MPZL3: variants seen among roughly 807,000 people sequenced by gnomAD.
MPZL3 encodes myelin protein zero-like protein 3.
MPZL3 carries 23 observed loss-of-function variants against 24.8 expected under a neutral mutation model. The ratio of observed to expected loss-of-function variants is 0.93; its 90% confidence interval spans 0.67 to 1.31. MPZL3 has a LOEUF of 1.31. Among genes scored for constraint, MPZL3 ranks in the 40% most tolerant of loss-of-function variants. The probability of loss-of-function intolerance (pLI) is 0.00; values close to 1 mark genes in which losing one functional copy is unlikely to be tolerated. For synonymous variants in MPZL3, 99 were observed against 106.5 expected (o/e 0.93, Z 0.44); for missense variants, 277 against 294.9 (o/e 0.94, Z 0.44).
At chr11:118,235,390 C>G (rs1006990854) in intron 4 of MPZL3, 34 bp downstream of exon 4, 2 of 1,609,248 alleles carry the variant, frequency 1.2e-6, no homozygotes, top group African/African-American at 1.3e-5. Context: ...AAGGAGGAAA[C>G]AGGCTTGCTG....
In MPZL3 at chr11:118,233,361, G is replaced by A. The variant is rs193007145; in HGVS notation, c.681+99C>T. On this transcript the variant is annotated intron_variant, in intron 5 of 5. Coordinates refer to ENST00000278949, the MANE Select transcript of MPZL3 (RefSeq NM_198275.3). ...GTTCATATCTTGCTTGGACCTACCTGCATATCCTCTGCTGCCTCTGAGGGC... is the reference window on the plus strand; with the variant it reads ...GTTCATATCTTGCTTGGACCTACCTACATATCCTCTGCTGCCTCTGAGGGC... 1,299 of 1,337,382 alleles carry A rather than the reference G, an allele frequency of 9.7e-4. 2 individuals are homozygous for A. Among genetic ancestry groups the A allele is most frequent in the Non-Finnish European group, 1.1e-3 (1,044 of 933,486 alleles). The allele number at this position is 1,337,382 out of a possible 1,614,324, so 82.8% of individuals were successfully genotyped here. A position where few individuals can be genotyped will look rare whatever the true frequency, so the allele number is the denominator to read the frequency against.
chr11:118,239,445 A>C (rs931331493), intron 2 of MPZL3, among the ~76,000 whole-genome samples: 1 of 152,242 alleles, frequency 6.6e-6, no homozygotes, highest in African/African-American at 2.4e-5. Flanking sequence ...ACTTTAAAAA[A>C]TACAATCTTC....
chr11:118,239,379 G>A (rs1319359827), intron 2 of MPZL3, among the ~76,000 whole-genome samples: 1 of 152,126 alleles, frequency 6.6e-6, no homozygotes, highest in Non-Finnish European at 1.5e-5. Context: ...ATTTATACAT[G>A]AAAGTCAAAG....
intron 5 of MPZL3, 130 bp from the exon 6 acceptor site, chr11:118,230,050 A>G (rs1949331055): frequency 1.4e-6 from 1 of 707,212 alleles, no homozygotes; most frequent in Non-Finnish European, 2.4e-6. Flanking sequence ...CACTGACTCA[A>G]TACACCTAAA....
Position 118,229,896 on chromosome 11 carries a change from A to G in MPZL3, c.706T>C (p.Ter236ArgextTer1). 1 of 1,613,524 alleles carries G rather than the reference A, an allele frequency of 6.2e-7. No homozygotes were observed. The highest frequency in any genetic ancestry group is 1.3e-5 in the African/African-American group (1 of 75,010). ...CLDSDYEETY[*>R] Reference sequence around the variant, plus strand: ...TTCTTGTGTCATACAGACTTTCATCAATATGTCTCTTCATAGTCTGAATCC... The same window carrying G: ...TTCTTGTGTCATACAGACTTTCATCGATATGTCTCTTCATAGTCTGAATCC... The change falls in exon 6 of 6, where the codon TGA becomes CGA. Residue 236 changes from the stop codon to arginine (R), a stop_lost. Coordinates refer to ENST00000278949, the MANE Select transcript of MPZL3 (RefSeq NM_198275.3).
At chr11:118,241,415 C>T (rs759426646) in intron 1 of MPZL3, among the ~76,000 whole-genome samples, 7 of 152,202 alleles carry the variant, frequency 4.6e-5, no homozygotes, top group Non-Finnish European at 1.0e-4. Context: ...ACGGCTCCTA[C>T]ACCAGAGGGT....
At chr11:118,250,620 G>A (rs887187816) in intron 1 of MPZL3, among the ~76,000 whole-genome samples, 3 of 151,890 alleles carry the variant, frequency 2.0e-5, no homozygotes, top group East Asian at 1.9e-4. Context: ...CTCTCTTGTC[G>A]CCCAGGCTAG....
chr11:118,242,678 C>A (rs918672625), intron 1 of MPZL3, among the ~76,000 whole-genome samples: 1 of 152,232 alleles, frequency 6.6e-6, no homozygotes, highest in Non-Finnish European at 1.5e-5. Context: ...CCCCACCACA[C>A]CATATCCCAA....
At chr11:118,241,491 C>T (rs933785264) in intron 1 of MPZL3, among the ~76,000 whole-genome samples, 1 of 152,182 alleles carries the variant, frequency 6.6e-6, no homozygotes, top group Admixed American at 6.5e-5. Context: ...CGTACTTCTT[C>T]AGTCTTCTCA....
rs1949281526 is a variant in MPZL3, at chr11:118,227,194, A to T, written c.*2700T>A. Reference sequence around the variant, plus strand: ...ATAGAATTAAGAGCGTAATGCATAAAACTTAAAGTCATGTAACCACATGTA... The same window carrying T: ...ATAGAATTAAGAGCGTAATGCATAATACTTAAAGTCATGTAACCACATGTA... On this transcript the variant is annotated 3_prime_UTR_variant, in exon 6 of 6. Transcript: ENST00000278949. 1 of 152,230 alleles carries T rather than the reference A, an allele frequency of 6.6e-6. No individual in the cohort carries two copies. 9.4% of individuals were successfully genotyped at this position (152,230 alleles called of 1,614,324 possible).
chr11:118,236,889 C>G (rs1949432155), intron 3 of MPZL3, among the ~76,000 whole-genome samples, 161 bp downstream of exon 3: 1 of 152,090 alleles, frequency 6.6e-6, no homozygotes, highest in Non-Finnish European at 1.5e-5. Context: ...AAATTCACCC[C>G]AACATACATA....
In MPZL3 at chr11:118,251,596, C is replaced by A. The variant is rs530922838; in HGVS notation, c.73+626G>T. Among the ~76,000 whole-genome samples, 15 of 151,976 alleles carry A rather than the reference C, an allele frequency of 9.9e-5. No individual in the cohort carries two copies. In the East Asian group the frequency reaches 2.9e-3, roughly 29 times the overall value. On this transcript the variant is annotated intron_variant, in intron 1 of 5. Coordinates refer to ENST00000278949, the MANE Select transcript of MPZL3 (RefSeq NM_198275.3). ...AAGATGTGAATGTCAGTGTGAATAC[C>A]CTACTTCTGATATTACTTAATAAAT...
Position 118,229,893 on chromosome 11 carries a change from A to T in MPZL3, c.*1T>A, listed in dbSNP as rs777827555. On this transcript the variant is annotated 3_prime_UTR_variant, in exon 6 of 6. Coordinates refer to ENST00000278949, the MANE Select transcript of MPZL3 (RefSeq NM_198275.3). ...CTCTTCTTGTGTCATACAGACTTTC[A>T]TCAATATGTCTCTTCATAGTCTGAA... is the stretch of plus-strand genomic sequence containing the variant. The T allele has an allele frequency of 6.2e-7, 1 of 1,613,522 alleles. No individual in the cohort carries two copies. The highest frequency in any genetic ancestry group is 8.5e-7 in the Non-Finnish European group (1 of 1,179,710).
rs1468265805 is a variant in MPZL3 at position 118,233,451 on chromosome 11, T to C, written c.681+9A>G. Reference sequence around the variant, plus strand: ...TCAACAGTAAGCAGAAGGAATGGCATGCACTTACCAGGCACTCAGCGCAAC... The same window carrying C: ...TCAACAGTAAGCAGAAGGAATGGCACGCACTTACCAGGCACTCAGCGCAAC... On this transcript the variant is annotated intron_variant, in intron 5 of 5. Coordinates refer to ENST00000278949, the MANE Select transcript of MPZL3 (RefSeq NM_198275.3). The C allele has an allele frequency of 3.7e-6, 6 of 1,613,694 alleles. No homozygotes were observed. The African/African-American group carries it at 6.7e-5, about 18-fold the overall frequency.
Position 118,237,802 on chromosome 11 carries a change from AC to A in MPZL3, c.241-543del, listed in dbSNP as rs1385453862. Among the ~76,000 whole-genome samples, 3 of 152,220 alleles carry A rather than the reference AC, an allele frequency of 2.0e-5. No homozygotes were observed. In the East Asian group the frequency reaches 5.8e-4, roughly 29 times the overall value. On this transcript the variant is annotated intron_variant, in intron 2 of 5. Transcript: ENST00000278949. ...TTACTCACTTGAGCCTCATGACTAC[AC>A]TGAACTACATGAGGCAGGTATAATT...
chr11:118,252,260 CA>C lies in MPZL3; in HGVS notation c.34del (p.Cys12AlafsTer39), dbSNP rs1171990719. The C allele has an allele frequency of 6.2e-7, 1 of 1,613,878 alleles. No homozygotes were observed. Among genetic ancestry groups the C allele is most frequent in the Admixed American group, 1.7e-5 (1 of 60,000 alleles). On this transcript the variant is annotated frameshift_variant, in exon 1 of 6. Coordinates refer to ENST00000278949, the MANE Select transcript of MPZL3 (RefSeq NM_198275.3). LOFTEE classifies it high-confidence loss of function. ...GACGCCCAGCAGAGGGAAGAGAGCG[CA>C]GCCACGGCTTCCAGCTGCTCCTCTC... ...QQRGAAGSRG[C>X]ALFPLLGVLF...
chr11:118,240,069 G>T, intron 2 of MPZL3, 142 bp downstream of exon 2: 1 of 766,334 alleles, frequency 1.3e-6, no homozygotes, highest in Non-Finnish European at 1.9e-6. Context: ...TGTCATATAG[G>T]ATAAAAGTTC....
Position 118,227,463 on chromosome 11 carries a change from T to TACCTGTACA in MPZL3, c.*2430_*2431insTGTACAGGT, listed in dbSNP as rs1949284889. 1 of 152,212 alleles carries TACCTGTACA rather than the reference T, an allele frequency of 6.6e-6. No individual in the cohort carries two copies. Among genetic ancestry groups the TACCTGTACA allele is most frequent in the Non-Finnish European group, 1.5e-5 (1 of 68,036 alleles). 9.4% of individuals were successfully genotyped at this position (152,212 alleles called of 1,614,324 possible). ...CAGGTGTCTGTACACTGCTTTGTGA[T>TACCTGTACA]CCTTCGAAGAATAAAAAGCTGTAAC... On this transcript the variant is annotated 3_prime_UTR_variant, in exon 6 of 6. Coordinates refer to ENST00000278949, the MANE Select transcript of MPZL3 (RefSeq NM_198275.3).
At chr11:118,248,312 C>T (rs746982485) in intron 1 of MPZL3, among the ~76,000 whole-genome samples, 1 of 152,000 alleles carries the variant, frequency 6.6e-6, no homozygotes, top group Non-Finnish European at 1.5e-5. Flanking sequence ...CCGTGCCCAG[C>T]CCAGTTTCCT....
Sources: allele counts gnomAD v4.1 joint callset (sites outside exome capture counted in the v4.1 genomes callset), GRCh38; gene constraint gnomAD v4.1.1; transcripts MANE v1.5; gene names NCBI Gene and HGNC (gene_info 2026-07-23, HGNC 2026-07-21).